The following CSTPP1 variants were observed in gnomAD, a reference collection of about 807,000 sequenced individuals.
CSTPP1 encodes the protein centriolar satellite-associated tubulin polyglutamylase complex regulator 1, also known as UPF0705 protein C11orf49.
the CSTPP1 span, among the ~76,000 whole-genome samples, chr11:46,945,085 A>AT: frequency 6.6e-6 from 1 of 152,232 alleles, no homozygotes; most frequent in Middle Eastern, 3.4e-3. Flanking sequence ...GACACATTCT[A>AT]TTTTTTGATT....
the CSTPP1 span, among the ~76,000 whole-genome samples, chr11:47,127,494 T>C: frequency 7.9e-4 from 120 of 152,164 alleles, 1 homozygote; most frequent in African/African-American, 2.8e-3. Context: ...AGATAAGAAA[T>C]AAGATCGTTT....
the CSTPP1 span, among the ~76,000 whole-genome samples, chr11:47,002,332 C>G: frequency 6.6e-6 from 1 of 152,076 alleles, no homozygotes; most frequent in South Asian, 2.1e-4. Context: ...TATGCTATAG[C>G]AAAAAGACTA....
chr11:47,052,517 CG>C, the CSTPP1 span: 1 of 1,612,874 alleles, frequency 6.2e-7, no homozygotes, highest in African/African-American at 1.3e-5. Context: ...GCAAAAATGG[CG>C]GTAAGTCTTC....
chr11:47,136,668 T>G, the CSTPP1 span, among the ~76,000 whole-genome samples: 1 of 152,300 alleles, frequency 6.6e-6, no homozygotes, highest in Admixed American at 6.5e-5. Context: ...GATCATCATC[T>G]TCATTCCCCA....
chr11:47,082,371 CAG>C, the CSTPP1 span, among the ~76,000 whole-genome samples: 15 of 151,952 alleles, frequency 9.9e-5, no homozygotes, highest in Admixed American at 3.3e-4. Flanking sequence ...TAACAACAAA[CAG>C]AAAGTATTTG....
chr11:47,095,190 C>T, the CSTPP1 span, among the ~76,000 whole-genome samples: 224 of 152,176 alleles, frequency 1.5e-3, 1 homozygote, highest in Middle Eastern at 0.014. Flanking sequence ...CCATTTGTGA[C>T]GCTTAAAAAT....
At chr11:47,061,508 A>G in the CSTPP1 span, among the ~76,000 whole-genome samples, 3 of 152,184 alleles carry the variant, frequency 2.0e-5, no homozygotes, top group African/African-American at 7.2e-5. Flanking sequence ...ACCAGTAAAA[A>G]TCATTCAGTG....
the CSTPP1 span, chr11:46,987,488 T>C: frequency 4.1e-6 from 2 of 482,342 alleles, no homozygotes; most frequent in Non-Finnish European, 7.1e-6. Flanking sequence ...TTGGTGCAGC[T>C]AGTTTGTCCA....
the CSTPP1 span, among the ~76,000 whole-genome samples, chr11:47,087,212 G>A: frequency 5.3e-5 from 8 of 152,028 alleles, no homozygotes; most frequent in Admixed American, 3.3e-4. Context: ...TTAAATTTGG[G>A]AACAATAGCT....
At chr11:47,051,230 CT>C in the CSTPP1 span, among the ~76,000 whole-genome samples, 1 of 152,122 alleles carries the variant, frequency 6.6e-6, no homozygotes, top group Non-Finnish European at 1.5e-5. Flanking sequence ...GTTTCCACTC[CT>C]GATTTACTTG....
At chr11:47,159,056 G>T in the CSTPP1 span, among the ~76,000 whole-genome samples, 2 of 152,222 alleles carry the variant, frequency 1.3e-5, no homozygotes, top group African/African-American at 4.8e-5. Flanking sequence ...CAGTTAGCCA[G>T]GGATGCTCTG....
At chr11:46,938,780 C>CTTTT in the CSTPP1 span, among the ~76,000 whole-genome samples, 48 of 123,598 alleles carry the variant, frequency 3.9e-4, no homozygotes, top group Non-Finnish European at 5.2e-4. Flanking sequence ...TTTTCTTCTT[C>CTTTT]TTTTTTTTTT....
chr11:47,143,576 A>G, the CSTPP1 span, among the ~76,000 whole-genome samples: 1 of 152,302 alleles, frequency 6.6e-6, no homozygotes, highest in African/African-American at 2.4e-5. Context: ...AAAAACAGGA[A>G]AAGAAAAAGC....
chr11:46,961,579 A>G, the CSTPP1 span, among the ~76,000 whole-genome samples: 1 of 152,052 alleles, frequency 6.6e-6, no homozygotes, highest in Non-Finnish European at 1.5e-5. Flanking sequence ...TTTAATTTTG[A>G]TGAAGTCCAA....
At chr11:47,071,666 C>CA in the CSTPP1 span, among the ~76,000 whole-genome samples, 2,623 of 152,200 alleles carry the variant, frequency 0.017, 70 homozygotes, top group African/African-American at 0.06. Context: ...AGTCCACTAC[C>CA]AATCAGTTCA....
At chr11:47,119,675 G>A in the CSTPP1 span, among the ~76,000 whole-genome samples, 5 of 146,206 alleles carry the variant, frequency 3.4e-5, no homozygotes, top group Admixed American at 1.4e-4. Context: ...GCAATGGTGC[G>A]AGCTCGGCTC....
At chr11:46,958,408 C>T in the CSTPP1 span, among the ~76,000 whole-genome samples, 15 of 152,056 alleles carry the variant, frequency 9.9e-5, no homozygotes, top group Middle Eastern at 3.2e-3. Flanking sequence ...TTATTGGTAA[C>T]GCTGTCAGTC....
chr11:47,092,938 A>G, the CSTPP1 span, among the ~76,000 whole-genome samples: 1 of 152,336 alleles, frequency 6.6e-6, no homozygotes, highest in South Asian at 2.1e-4. Flanking sequence ...GTTAATTGCC[A>G]TGTCCTTAGC....
the CSTPP1 span, among the ~76,000 whole-genome samples, chr11:46,938,322 TA>T: frequency 7.4e-5 from 11 of 148,026 alleles, no homozygotes; most frequent in Admixed American, 2.7e-4. Context: ...ATATTTATAA[TA>T]TATAATAATA....
Sources: allele counts gnomAD v4.1 joint callset (sites outside exome capture counted in the v4.1 genomes callset), GRCh38; gene constraint gnomAD v4.1.1; transcripts MANE v1.5; gene names NCBI Gene and HGNC (gene_info 2026-07-23, HGNC 2026-07-21).